MSRB1: variants seen among roughly 807,000 people sequenced by gnomAD.
MSRB1 encodes methionine-R-sulfoxide reductase B1.
Under a neutral mutation model 15.2 loss-of-function variants are expected in MSRB1, and 13 were observed. The observed-to-expected ratio is 0.86, with a 90% confidence interval of 0.56 to 1.36. MSRB1 has a LOEUF of 1.36. Among genes scored for constraint, MSRB1 ranks in the 40% most tolerant of loss-of-function variants. MSRB1 has a pLI of 0.00. For synonymous variants in MSRB1, 68 were observed against 64.5 expected, an observed-to-expected ratio of 1.05 and a Z score of -0.26; for missense variants, 174 against 155.9, an observed-to-expected ratio of 1.12 and a Z score of -0.62.
chr16:1,941,646 G>A (rs778252691), intron 1 of MSRB1: 6 of 581,616 alleles, frequency 1.0e-5, no homozygotes, highest in Admixed American at 3.2e-5. Flanking sequence ...GCCCCGTGAC[G>A]GGGCATATCC....
intron 1 of MSRB1, among the ~76,000 whole-genome samples, chr16:1,942,481 TG>T (rs1363285067): frequency 2.0e-5 from 3 of 152,254 alleles, no homozygotes; most frequent in Non-Finnish European, 4.4e-5. Flanking sequence ...CCTGCCTGCC[TG>T]GTCAAACTTC....
intron 1 of MSRB1, among the ~76,000 whole-genome samples, chr16:1,942,807 C>A (rs1326518455): frequency 1.3e-5 from 2 of 152,178 alleles, no homozygotes; most frequent in African/African-American, 4.8e-5. Context: ...GGGGTACCAC[C>A]CCCACGTATC....
Position 1,943,148 on chromosome 16 carries a change from G to A in MSRB1, c.9C>T (p.Phe3=). Residue 3 remains phenylalanine (F), a synonymous_variant, in exon 1 of 4, where the codon TTC becomes TTT. Coordinates refer to ENST00000361871, the MANE Select transcript of MSRB1 (RefSeq NM_016332.4). MS[F]CSFFGGEVFQ... ...AAACCTCGCCCCCGAAGAAGCTGCA[G>A]AACGACATGGCGCCACCGGAACCGC... 6.4e-7 allele frequency: 1 copy of A among 1,561,082 alleles called. No individual in the cohort carries two copies. Among genetic ancestry groups the A allele is most frequent in the Admixed American group, 1.9e-5 (1 of 52,784 alleles).
Position 1,940,617 on chromosome 16 carries a change from C to T in MSRB1, c.319+161G>A, listed in dbSNP as rs887859895. Among the ~76,000 whole-genome samples the T allele has an allele frequency of 7.9e-5, 12 of 152,262 alleles. 1 individual carries two copies. Among genetic ancestry groups the T allele is most frequent in the Admixed American group, 2.0e-4 (3 of 15,292 alleles). ...CGGAACACCAGCTCCTTTGCCCCTG[C>T]GCTGCAGCCACCTTTCTGGGGGATC... is the stretch of plus-strand genomic sequence containing the variant. On this transcript the variant is annotated intron_variant, in intron 3 of 3. Transcript: ENST00000361871.
Position 1,940,817 on chromosome 16 carries a change from A to C in MSRB1, c.280T>G (p.Phe94Val), listed in dbSNP as rs779004449. 1 of 1,614,026 alleles carries C rather than the reference A, an allele frequency of 6.2e-7. No individual in the cohort carries two copies. The highest frequency in any genetic ancestry group is 8.5e-7 in the Non-Finnish European group (1 of 1,180,002). The part of the protein sequence containing the change: ...NDGPKPGQSR[F>V]UIFSSSLKFV... ...TTCAGCGAGCTGCTGAATATTCAGA[A>C]TCGGGACTGCCCCGGCTTGGGGCCG... Residue 94 changes from phenylalanine to valine, a missense_variant, in exon 3 of 4, where the codon TTC becomes GTC. By Grantham distance (50) the Phe-to-Val change is conservative (BLOSUM62 -1). Coordinates refer to ENST00000361871, the MANE Select transcript of MSRB1 (RefSeq NM_016332.4).
At chr16:1,940,701 C>T in intron 3 of MSRB1, 77 bp downstream of exon 3, 1 of 1,503,016 alleles carries the variant, frequency 6.7e-7, no homozygotes, top group Non-Finnish European at 9.0e-7. Flanking sequence ...GGTAAGTGGA[C>T]AAGCACAAAC....
At chr16:1,940,021 G>C (rs868500966) in intron 3 of MSRB1, among the ~76,000 whole-genome samples, 1 of 149,570 alleles carries the variant, frequency 6.7e-6, no homozygotes, top group Non-Finnish European at 1.5e-5. Flanking sequence ...CCTATAATTC[G>C]AGCACTTTGA....
chr16:1,941,204 T>C, intron 2 of MSRB1, 53 bp downstream of exon 2: 1 of 1,605,188 alleles, frequency 6.2e-7, no homozygotes, highest in Non-Finnish European at 8.5e-7. Context: ...TGGGACTGGC[T>C]CTCTGCTCTC....
At chr16:1,939,894 C>T (rs1353675982) in intron 3 of MSRB1, among the ~76,000 whole-genome samples, 2 of 149,610 alleles carry the variant, frequency 1.3e-5, no homozygotes, top group African/African-American at 4.9e-5. Context: ...GCAGAGGCTA[C>T]ATTGAGCTGA....
rs2083056859 is a variant in MSRB1 at position 1,938,962 on chromosome 16, G to A, written c.*150C>T. 3.9e-6 allele frequency: 4 copies of A among 1,025,850 alleles called. No homozygotes were observed. Among genetic ancestry groups the A allele is most frequent in the Non-Finnish European group, 5.9e-6 (4 of 677,052 alleles). The allele number at this position is 1,025,850 out of a possible 1,614,324, so 63.5% of individuals were successfully genotyped here. A position where few individuals can be genotyped will look rare whatever the true frequency, so the allele number is the denominator to read the frequency against. On this transcript the variant is annotated 3_prime_UTR_variant, in exon 4 of 4. Coordinates refer to ENST00000361871, the MANE Select transcript of MSRB1 (RefSeq NM_016332.4). ...CTTTTCCAAGAAACGAAAAGGTCTT[G>A]TTCAGAGCCGGGGCCTTGGGAGTGT...
chr16:1,941,172 G>C (rs1297930150), intron 2 of MSRB1, 85 bp downstream of exon 2: 1 of 1,579,768 alleles, frequency 6.3e-7, no homozygotes, highest in South Asian at 1.1e-5. Context: ...CTGGAGCTGT[G>C]GGGCAAGCAG....
At position 1,941,275 on chromosome 16, in the gene MSRB1, A is replaced by C; in HGVS notation, c.186T>G (p.Asn62Lys). The C allele has an allele frequency of 1.2e-6, 2 of 1,611,100 alleles. No homozygotes were observed. Among genetic ancestry groups the C allele is most frequent in the Non-Finnish European group, 1.7e-6 (2 of 1,179,562 alleles). The change falls in exon 2 of 4, where the codon AAT becomes AAG. Residue 62 changes from asparagine (N) to lysine (K), a missense_variant. Asn to Lys is a moderately conservative substitution (Grantham distance 94). Coordinates refer to ENST00000361871, the MANE Select transcript of MSRB1 (RefSeq NM_016332.4). ...ADSVAKRPEH[N>K]RSEALKVSCG... ...CTCTCACCTTCAAGGCTTCAGATCT[A>C]TTGTGCTCCGGACGCTTGGCCACGC...
intron 2 of MSRB1, 146 bp from the exon 3 acceptor site, chr16:1,941,038 G>A (rs759887328): frequency 7.1e-6 from 11 of 1,552,474 alleles, no homozygotes; most frequent in Non-Finnish European, 2.6e-6. Context: ...CCTTTGTCCT[G>A]GAGCCCGTAC....
Position 1,943,114 on chromosome 16 carries a change from G to C in MSRB1, c.43C>G (p.His15Asp), listed in dbSNP as rs1178812196. ...CCGCAGGACCAACCAGGTTCAAAGT[G>C]ATTCTGGAAAACCTCGCCCCCGAAG... is the stretch of plus-strand genomic sequence containing the variant. The part of the protein sequence containing the change: ...SFFGGEVFQN[H>D]FEPGVYVCAK... Residue 15 changes from histidine (H) to aspartate (D), a missense_variant, in exon 1 of 4, where the codon CAC becomes GAC. Physicochemically the swap from His to Asp is moderately conservative, Grantham distance 81 (BLOSUM62 -1). Coordinates refer to ENST00000361871, the MANE Select transcript of MSRB1 (RefSeq NM_016332.4). The C allele has an allele frequency of 6.4e-7, 1 of 1,560,950 alleles. No homozygotes were observed. Among genetic ancestry groups the C allele is most frequent in the South Asian group, 1.2e-5 (1 of 84,730 alleles).
intron 2 of MSRB1, 159 bp from the exon 3 acceptor site, chr16:1,941,051 G>T: frequency 6.4e-7 from 1 of 1,551,714 alleles, no homozygotes; most frequent in Admixed American, 2.0e-5. Context: ...GCCCGTACAG[G>T]AAACCTGTCC....
At chr16:1,939,401 A>T (rs1034183714) in intron 3 of MSRB1, among the ~76,000 whole-genome samples, 5 of 152,176 alleles carry the variant, frequency 3.3e-5, no homozygotes, top group African/African-American at 7.2e-5. Context: ...AGAACCCAGA[A>T]TCTCTTCTCC....
At chr16:1,940,697 T>C (rs1431155784) in intron 3 of MSRB1, 81 bp downstream of exon 3, 2 of 1,481,380 alleles carry the variant, frequency 1.4e-6, no homozygotes, top group African/African-American at 1.4e-5. Context: ...TCATGGTAAG[T>C]GGACAAGCAC....
In MSRB1 at chr16:1,940,830, C is replaced by T. The variant is rs746717797; in HGVS notation, c.267G>A (p.Pro89=). 9.3e-6 allele frequency: 15 copies of T among 1,614,026 alleles called. No homozygotes were observed. The highest frequency in any genetic ancestry group is 8.3e-5 in the Admixed American group (5 of 60,010). ...TGAATATTCAGAATCGGGACTGCCC[C>T]GGCTTGGGGCCGTCGTTCAGGAACT... is the stretch of plus-strand genomic sequence containing the variant. ...GHEFLNDGPK[P]GQSRFUIFSS... The change falls in exon 3 of 4, where the codon CCG becomes CCA. Residue 89 remains proline, a synonymous_variant. Coordinates refer to ENST00000361871, the MANE Select transcript of MSRB1 (RefSeq NM_016332.4).
chr16:1,940,583 G>A (rs1400023429), intron 3 of MSRB1, among the ~76,000 whole-genome samples, 195 bp downstream of exon 3: 1 of 152,260 alleles, frequency 6.6e-6, no homozygotes. Context: ...GATCAACCAA[G>A]CGAGGAAGCG....
Sources: allele counts gnomAD v4.1 joint callset (sites outside exome capture counted in the v4.1 genomes callset), GRCh38; gene constraint gnomAD v4.1.1; transcripts MANE v1.5; gene names NCBI Gene and HGNC (gene_info 2026-07-23, HGNC 2026-07-21).